ZNF486: variants seen among roughly 807,000 people sequenced by gnomAD.
ZNF486 encodes KRAB box only protein 2.
ZNF486 carries 12 observed loss-of-function variants against 12.8 expected under a neutral mutation model. The ratio of observed to expected loss-of-function variants is 0.94; its 90% CI spans 0.60 to 1.52. The LOEUF is 1.52. ZNF486 is among the 40% of genes most tolerant of loss of function. The pLI, the probability that ZNF486 is intolerant of heterozygous loss-of-function variation, is 0.00. For missense variants in ZNF486, 738 were observed against 545.0 expected (o/e 1.35, Z -3.53); for synonymous variants, 231 against 184.9 (o/e 1.25, Z -2.02).
chr19:20,173,831 CAAA>C (rs541187774), intron 1 of ZNF486, among the ~76,000 whole-genome samples: 1 of 122,364 alleles, frequency 8.2e-6, no homozygotes, highest in African/African-American at 3.1e-5. Flanking sequence ...GACTCCGTCT[CAAA>C]AAAAAAAAAA....
At chr19:20,191,538 G>C (rs1210889424) in intron 3 of ZNF486, among the ~76,000 whole-genome samples, 3 of 151,454 alleles carry the variant, frequency 2.0e-5, no homozygotes, top group Admixed American at 6.6e-5. Flanking sequence ...GGGAGGCCCA[G>C]GTGGGTGGAT....
chr19:20,195,667 A>G (rs1325300342), intron 3 of ZNF486, among the ~76,000 whole-genome samples: 2 of 152,178 alleles, frequency 1.3e-5, no homozygotes, highest in Admixed American at 6.5e-5. Flanking sequence ...CATGAAATCA[A>G]TTGTCTTGGC....
intron 3 of ZNF486, among the ~76,000 whole-genome samples, chr19:20,193,335 C>T (rs1470712863): frequency 1.9e-4 from 29 of 149,428 alleles, no homozygotes; most frequent in African/African-American, 7.2e-4. Flanking sequence ...CACTCTATTG[C>T]CCATGATGGA....
At position 20,167,341 on chromosome 19, in the gene ZNF486, C is replaced by T; in HGVS notation, c.11C>T (p.Pro4Leu). The change falls in exon 1 of 4, where the codon CCC (proline) becomes CTC (leucine). Residue 4 changes from proline to leucine, a missense_variant. Pro to Leu is a moderately conservative substitution (Grantham distance 98, BLOSUM62 -3). Coordinates refer to ENST00000335117, the MANE Select transcript of ZNF486 (RefSeq NM_052852.4). ...AGATCCACAGCCAAGATGCCGGGAC[C>T]CCTTAGAAGCCTAGAAATGGTGAGA... MPG[P>L]LRSLEMESLQ... 6.2e-7 allele frequency: 1 copy of T among 1,613,908 alleles called. No individual in the cohort carries two copies. Among genetic ancestry groups the T allele is most frequent in the East Asian group, 2.2e-5 (1 of 44,878 alleles).
Position 20,197,297 on chromosome 19 carries a change from C to T in ZNF486, c.587C>T (p.Thr196Ile). 6.2e-7 allele frequency: 1 copy of T among 1,612,524 alleles called. No homozygotes were observed. The highest frequency in any genetic ancestry group is 1.1e-5 in the South Asian group (1 of 90,766). The change falls in exon 4 of 4, where the codon ACC becomes ATC. Residue 196 changes from threonine to isoleucine, a missense_variant. By Grantham distance (89) the Thr-to-Ile change is moderately conservative (BLOSUM62 -1). Transcript: ENST00000335117. ...EGDKAFNQSS[T>I]HTTHKKIDTG... is the part of the protein sequence containing the mutation. The stretch of plus-strand genomic sequence containing the variant: ...GACAAAGCTTTTAACCAGTCCTCAA[C>T]CCATACTACACATAAAAAAATTGAT...
intron 1 of ZNF486, among the ~76,000 whole-genome samples, chr19:20,167,927 C>A (rs782122194): frequency 6.6e-6 from 1 of 152,014 alleles, no homozygotes; most frequent in Non-Finnish European, 1.5e-5. Context: ...CTTTTTCTCC[C>A]TTTTCCTTTT....
At chr19:20,185,893 G>T in intron 2 of ZNF486, 94 bp from the exon 3 acceptor site, 2 of 657,804 alleles carry the variant, frequency 3.0e-6, no homozygotes, top group Non-Finnish European at 4.5e-6. Context: ...TAATTTACTA[G>T]AATATTTTAT....
intron 3 of ZNF486, among the ~76,000 whole-genome samples, chr19:20,193,902 T>G (rs1599716612): frequency 1.3e-5 from 2 of 152,246 alleles, no homozygotes; most frequent in South Asian, 4.1e-4. Flanking sequence ...CATGGGGGAT[T>G]ACATAAAACC....
intron 3 of ZNF486, among the ~76,000 whole-genome samples, chr19:20,190,702 T>C (rs1444407024): frequency 1.3e-5 from 2 of 152,244 alleles, no homozygotes; most frequent in African/African-American, 4.8e-5. Context: ...TTAAATTTAA[T>C]AAAACTTGGT....
In ZNF486 at chr19:20,199,290, G is replaced by T. The variant is rs1452251605; in HGVS notation, c.*1188G>T. 1 of 152,160 alleles carries T rather than the reference G, an allele frequency of 6.6e-6. No homozygotes were observed. Among genetic ancestry groups the T allele is most frequent in the African/African-American group, 2.4e-5 (1 of 41,450 alleles). 9.4% of individuals were successfully genotyped at this position (152,160 alleles called of 1,614,324 possible). A position where few individuals can be genotyped will look rare whatever the true frequency, so the allele number is the denominator to read the frequency against. ...CATTACAAATATAAAGAGGTTTGTA[G>T]TACCTTTGCTTGTATTACAGATCTT... On this transcript the variant is annotated 3_prime_UTR_variant, in exon 4 of 4. Transcript: ENST00000335117.
At chr19:20,182,201 C>T (rs1476258144) in intron 1 of ZNF486, among the ~76,000 whole-genome samples, 1 of 152,086 alleles carries the variant, frequency 6.6e-6, no homozygotes, top group Non-Finnish European at 1.5e-5. Flanking sequence ...AATAATGAGC[C>T]AAGGGGAAGC....
At chr19:20,172,587 C>A (rs2089660572) in intron 1 of ZNF486, among the ~76,000 whole-genome samples, 1 of 152,060 alleles carries the variant, frequency 6.6e-6, no homozygotes, top group Admixed American at 6.6e-5. Context: ...GCATGAGCCA[C>A]CATGCCCGGC....
rs782262150 is a variant in ZNF486 at position 20,197,090 on chromosome 19, AAAGTGTGGATGAGTGT to A, written c.385_400del (p.Val129TyrfsTer13). ...AATTTACACTTTAAAAAAGGCTGTG[AAAGTGTGGATGAGTGT>A]AAGTTACACAAAAGAGGTTATAATG... On this transcript the variant is annotated frameshift_variant, in exon 4 of 4. Coordinates refer to ENST00000335117, the MANE Select transcript of ZNF486 (RefSeq NM_052852.4). LOFTEE classifies it low-confidence loss of function (END_TRUNC). The A allele has an allele frequency of 1.1e-5, 18 of 1,612,932 alleles. No homozygotes were observed. In the South Asian group the frequency reaches 1.8e-4, roughly 16 times the overall value.
chr19:20,192,097 T>C (rs1159782679), intron 3 of ZNF486, among the ~76,000 whole-genome samples: 2 of 152,194 alleles, frequency 1.3e-5, no homozygotes, highest in African/African-American at 4.8e-5. Flanking sequence ...TGTCTAATGG[T>C]AGTATTTGAC....
intron 1 of ZNF486, among the ~76,000 whole-genome samples, chr19:20,183,540 C>T (rs2089809041): frequency 6.6e-6 from 1 of 152,062 alleles, no homozygotes; most frequent in Non-Finnish European, 1.5e-5. Context: ...TATTTACTTT[C>T]TTTGGGAGGA....
At chr19:20,189,133 G>A (rs1363577556) in intron 3 of ZNF486, among the ~76,000 whole-genome samples, 2 of 151,990 alleles carry the variant, frequency 1.3e-5, no homozygotes, top group Non-Finnish European at 1.5e-5. Context: ...GAAGTGCAGT[G>A]GTGTGATATC....
chr19:20,188,872 G>C (rs782316464), intron 3 of ZNF486: 1 of 159,070 alleles, frequency 6.3e-6, no homozygotes, highest in Non-Finnish European at 1.4e-5. Flanking sequence ...ATTAATTCAA[G>C]TGACATAATA....
In ZNF486 at chr19:20,200,321, G is replaced by A. The variant is rs2090001125; in HGVS notation, c.*2219G>A. On this transcript the variant is annotated 3_prime_UTR_variant, in exon 4 of 4. Transcript: ENST00000335117. ...GATGCATGATGAAAATATAAGTGGAGAGGCTCTTTGTAGTTAACCTATATG... is the reference window on the plus strand; with the variant it reads ...GATGCATGATGAAAATATAAGTGGAAAGGCTCTTTGTAGTTAACCTATATG... The A allele has an allele frequency of 6.6e-6, 1 of 152,072 alleles. No homozygotes were observed. Among genetic ancestry groups the A allele is most frequent in the South Asian group, 2.1e-4 (1 of 4,820 alleles). The allele number at this position is 152,072 out of a possible 1,614,324, so 9.4% of individuals were successfully genotyped here.
At chr19:20,179,556 C>T (rs989307543) in intron 1 of ZNF486, among the ~76,000 whole-genome samples, 2 of 152,062 alleles carry the variant, frequency 1.3e-5, no homozygotes, top group Non-Finnish European at 2.9e-5. Flanking sequence ...TGACTGTACT[C>T]CACTTGGTGT....
Sources: gnomAD v4.1 joint callset for allele counts (sites outside exome capture counted in the v4.1 genomes callset) on GRCh38, gnomAD v4.1.1 for gene constraint, MANE v1.5 for transcripts, NCBI Gene and HGNC (gene_info 2026-07-23, HGNC 2026-07-21) for gene names.